Variants in RBFOX1 observed in about 807,000 individuals in gnomAD.
RBFOX1 encodes RNA binding protein fox-1 homolog 1.
A neutral mutation model predicts 57.7 loss-of-function variants in RBFOX1; 8 were observed. The ratio of observed to expected loss-of-function variants is 0.14; its 90% CI spans 0.08 to 0.25. RBFOX1 has a LOEUF of 0.25. RBFOX1 is among the 10% of genes least tolerant of loss of function. The pLI, the probability that RBFOX1 is intolerant of heterozygous loss-of-function variation, is 1.00. For synonymous variants in RBFOX1, 326 were observed against 222.4 expected, an observed-to-expected ratio of 1.47 and a Z score of -4.15; for missense variants, 611 against 548.5, an observed-to-expected ratio of 1.11 and a Z score of -1.14.
At chr16:5,318,209 A>G (rs1344289097) in intron 1 of RBFOX1, among the ~76,000 whole-genome samples, 1 of 151,904 alleles carries the variant, frequency 6.6e-6, no homozygotes, top group Admixed American at 6.6e-5. Context: ...GCTCACTGCA[A>G]CCTCCACCTC....
chr16:7,143,505 C>T (rs1476667060), intron 4 of RBFOX1, among the ~76,000 whole-genome samples: 1 of 152,020 alleles, frequency 6.6e-6, no homozygotes, highest in African/African-American at 2.4e-5. Context: ...CATATCCTAC[C>T]CCCGCCCCTG....
chr16:7,268,384 C>G (rs1472044040), intron 4 of RBFOX1, among the ~76,000 whole-genome samples: 1 of 152,190 alleles, frequency 6.6e-6, no homozygotes, highest in Non-Finnish European at 1.5e-5. Context: ...GGAGGACTCG[C>G]TCTCACTCTT....
At position 7,201,159 on chromosome 16, in the gene RBFOX1, T is replaced by C. The variant is rs898802384; in HGVS notation, c.27+149061T>C. 2.6e-5 allele frequency among the ~76,000 whole-genome samples: 4 copies of C among 152,174 alleles called. No homozygotes were observed. The East Asian group carries it at 7.7e-4, about 29-fold the overall frequency. On this transcript the variant is annotated intron_variant, in intron 4 of 15. Transcript: ENST00000550418. Reference sequence around the variant, plus strand: ...GAGAGAGAGGAATTGGGGCAAGGGTTGGAGAGAAAGACCTCTCTGAGGTTA... The same window carrying C: ...GAGAGAGAGGAATTGGGGCAAGGGTCGGAGAGAAAGACCTCTCTGAGGTTA...
intron 1 of RBFOX1, among the ~76,000 whole-genome samples, chr16:5,275,274 C>G (rs1596364607): frequency 6.6e-6 from 1 of 152,252 alleles, no homozygotes; most frequent in East Asian, 1.9e-4. Context: ...TTGATCACCT[C>G]AAACATTGAT....
chr16:5,948,349 TCTC>T (rs1187076111), intron 4 of RBFOX1, among the ~76,000 whole-genome samples: 1 of 152,152 alleles, frequency 6.6e-6, no homozygotes, highest in Non-Finnish European at 1.5e-5. Flanking sequence ...CTGGCCATCT[TCTC>T]CTCCGTGGCT....
At chr16:6,044,041 A>G (rs72772818) in intron 1 of RBFOX1, among the ~76,000 whole-genome samples, 28,508 of 152,136 alleles carry the variant, frequency 0.19, 2,778 homozygotes, top group African/African-American at 0.23. Context: ...TACACCTTTG[A>G]AAACAGTATT....
At chr16:7,331,678 G>T (rs554242281) in intron 4 of RBFOX1, among the ~76,000 whole-genome samples, 2 of 152,190 alleles carry the variant, frequency 1.3e-5, no homozygotes, top group Admixed American at 1.3e-4. Context: ...TTGAAGTAGG[G>T]ACTATTATTA....
chr16:7,698,126 A>G (rs1372903629), intron 14 of RBFOX1, among the ~76,000 whole-genome samples: 1 of 152,070 alleles, frequency 6.6e-6, no homozygotes, highest in Admixed American at 6.6e-5. Context: ...ACAATATGCT[A>G]GTCCCTGAAA....
chr16:6,898,206 G>A (rs532965927), intron 3 of RBFOX1, among the ~76,000 whole-genome samples: 38 of 152,214 alleles, frequency 2.5e-4, no homozygotes, highest in Middle Eastern at 3.4e-3. Context: ...CCATTGTGGA[G>A]TTTGCACCCA....
chr16:5,705,476 T>C (rs945955114), intron 3 of RBFOX1, among the ~76,000 whole-genome samples: 3 of 152,214 alleles, frequency 2.0e-5, no homozygotes, highest in African/African-American at 7.2e-5. Flanking sequence ...TTGCCCAGGC[T>C]GGTTTCAAAC....
intron 1 of RBFOX1, among the ~76,000 whole-genome samples, chr16:6,162,393 T>C (rs1036860547): frequency 2.6e-5 from 4 of 152,102 alleles, no homozygotes; most frequent in Non-Finnish European, 5.9e-5. Context: ...GGGATTACTG[T>C]CGTGAGCCAC....
At chr16:6,104,415 T>C (rs2096353073) in intron 1 of RBFOX1, among the ~76,000 whole-genome samples, 1 of 152,246 alleles carries the variant, frequency 6.6e-6, no homozygotes, top group South Asian at 2.1e-4. Flanking sequence ...AAGTAGGTTT[T>C]TAAAATGGTT....
chr16:5,647,300 C>T (rs1462155559), intron 3 of RBFOX1, among the ~76,000 whole-genome samples: 2 of 152,180 alleles, frequency 1.3e-5, no homozygotes, highest in African/African-American at 4.8e-5. Context: ...GGATTTAGTT[C>T]TACATCTGCT....
At chr16:5,643,789 C>T (rs539144408) in intron 3 of RBFOX1, among the ~76,000 whole-genome samples, 1 of 152,324 alleles carries the variant, frequency 6.6e-6, no homozygotes, top group Non-Finnish European at 1.5e-5. Flanking sequence ...TTTCCATCCA[C>T]TACTGTCCCC....
chr16:6,830,966 T>C (rs969661177), intron 3 of RBFOX1, among the ~76,000 whole-genome samples: 2 of 152,234 alleles, frequency 1.3e-5, no homozygotes, highest in African/African-American at 4.8e-5. Context: ...TTAATTGCGA[T>C]ATGTAAAGTT....
At chr16:5,756,463 C>T (rs182409023) in intron 3 of RBFOX1, among the ~76,000 whole-genome samples, 2 of 152,258 alleles carry the variant, frequency 1.3e-5, no homozygotes, top group South Asian at 2.1e-4. Context: ...GAGTTTGTCA[C>T]ATCTCCCAAA....
chr16:6,256,161 A>ATATATG (rs1555582182), intron 1 of RBFOX1, among the ~76,000 whole-genome samples: 1 of 14,952 alleles, frequency 6.7e-5, no homozygotes, highest in African/African-American at 1.5e-4. Flanking sequence ...ATATATATGT[A>ATATATG]TATATATATG....
At chr16:6,169,000 C>G (rs569939952) in intron 1 of RBFOX1, among the ~76,000 whole-genome samples, 6 of 151,964 alleles carry the variant, frequency 3.9e-5, no homozygotes, top group Non-Finnish European at 8.8e-5. Context: ...TAGAGTTGGG[C>G]AAAAGTGCCT....
intron 2 of RBFOX1, among the ~76,000 whole-genome samples, chr16:6,437,715 G>A (rs974475563): frequency 3.3e-5 from 5 of 152,202 alleles, no homozygotes; most frequent in South Asian, 2.1e-4. Flanking sequence ...GTGGAATGGC[G>A]AAGGGGAAGC....
Sources: allele counts gnomAD v4.1 joint callset (sites outside exome capture counted in the v4.1 genomes callset), GRCh38; gene constraint gnomAD v4.1.1; transcripts MANE v1.5; gene names NCBI Gene and HGNC (gene_info 2026-07-23, HGNC 2026-07-21).